ZNF790: variants seen among roughly 807,000 people sequenced by gnomAD.
ZNF790 encodes zinc finger protein 790.
In ZNF790, 8 loss-of-function variants were observed where a neutral mutation model predicts 12.1. That is an observed-to-expected ratio of 0.66 (90% CI 0.39 to 1.19). ZNF790 has a LOEUF of 1.19. Among genes scored for constraint, ZNF790 ranks in the 50% most tolerant of loss-of-function variants. The pLI, the probability that ZNF790 is intolerant of heterozygous loss-of-function variation, is 0.01. For synonymous variants in ZNF790, 252 were observed against 244.3 expected, an observed-to-expected ratio of 1.03 and a Z score of -0.29; for missense variants, 707 against 752.2, an observed-to-expected ratio of 0.94 and a Z score of 0.70.
At chr19:36,839,721 G>C (rs1300787908), upstream of ZNF790, among the ~76,000 whole-genome samples, 1 of 152,166 alleles carries the variant, frequency 6.6e-6, no homozygotes, top group African/African-American at 2.4e-5. Context: ...CCCAGCTCCA[G>C]CTCCAGCTGA....
intron 1 of ZNF790, among the ~76,000 whole-genome samples, chr19:36,834,520 C>T (rs973201955): frequency 2.0e-5 from 3 of 152,202 alleles, no homozygotes; most frequent in Non-Finnish European, 4.4e-5. Flanking sequence ...AATACCACTA[C>T]ATATCCACCA....
chr19:36,819,316 C>A lies in ZNF790; in HGVS notation c.1028G>T (p.Cys343Phe), dbSNP rs1390491348. Residue 343 changes from cysteine to phenylalanine, a missense_variant, in exon 5 of 5, where the codon TGT becomes TTT. Physicochemically the swap from Cys to Phe is radical, Grantham distance 205. Transcript: ENST00000356725. ...TGEKPYECKE[C>F]GKAFTRGSHL... The stretch of plus-strand genomic sequence containing the variant: ...TGATCCACGAGTAAAAGCTTTCCCA[C>A]ACTCCTTACATTCATAAGGTTTTTC... 1 of 1,610,676 alleles carries A rather than the reference C, an allele frequency of 6.2e-7. No homozygotes were observed. Among genetic ancestry groups the A allele is most frequent in the Non-Finnish European group, 8.5e-7 (1 of 1,178,110 alleles).
At chr19:36,825,720 C>G (rs564576735) in intron 1 of ZNF790, 28 bp from the exon 2 acceptor site, 15 of 1,325,948 alleles carry the variant, frequency 1.1e-5, no homozygotes, top group Middle Eastern at 1.8e-4. Context: ...CAAGGTCAGG[C>G]CTTTCTCAGA....
intron 1 of ZNF790, chr19:36,837,791 T>A (rs1009202137): frequency 6.6e-6 from 1 of 152,256 alleles, no homozygotes; most frequent in African/African-American, 2.4e-5. Flanking sequence ...TTCTCTGCTC[T>A]AATTTACGGA....
At chr19:36,822,666 G>A (rs564031888) in intron 4 of ZNF790, among the ~76,000 whole-genome samples, 3 of 152,090 alleles carry the variant, frequency 2.0e-5, no homozygotes, top group East Asian at 1.9e-4. Context: ...TCAGCCTCCC[G>A]AGTAGCTGGG....
chr19:36,823,183 G>T (rs2071714766), intron 4 of ZNF790, 102 bp downstream of exon 4: 2 of 1,065,202 alleles, frequency 1.9e-6, no homozygotes, highest in Non-Finnish European at 2.8e-6. Context: ...GGTCTTAAGG[G>T]GATATTCCAG....
chr19:36,820,130 G>GT lies in ZNF790; in HGVS notation c.230-17dup. ...GACTGCATGTCTGAAAAATAAGAAG[G>GT]TAAAAACATCATACGGTTGTATGTA... On this transcript the variant is annotated splice_polypyrimidine_tract_variant and intron_variant, in intron 4 of 4. Coordinates refer to ENST00000356725, the MANE Select transcript of ZNF790 (RefSeq NM_206894.4). 8 of 1,591,514 alleles carry GT rather than the reference G, an allele frequency of 5.0e-6. No individual in the cohort carries two copies. The highest frequency in any genetic ancestry group is 6.8e-6 in the Non-Finnish European group (8 of 1,174,664).
At chr19:36,845,047 C>CAAAAAAAA (rs10611049) in intron 1 of ZNF790, among the ~76,000 whole-genome samples, 6 of 34,894 alleles carry the variant, frequency 1.7e-4, no homozygotes, top group Non-Finnish European at 2.1e-4. Context: ...GACTCCGTCT[C>CAAAAAAAA]AAAAAAAAAA....
intron 4 of ZNF790, among the ~76,000 whole-genome samples, chr19:36,821,054 C>G (rs2071660550): frequency 7.4e-6 from 1 of 134,842 alleles, no homozygotes; most frequent in Non-Finnish European, 1.6e-5. Context: ...CCCCCTCCCC[C>G]CACTGACCCT....
intron 4 of ZNF790, among the ~76,000 whole-genome samples, chr19:36,822,046 T>G (rs553018565): frequency 6.6e-6 from 1 of 152,182 alleles, no homozygotes; most frequent in Non-Finnish European, 1.5e-5. Context: ...GTTCCCTGTA[T>G]GCAGAAATGT....
intron 2 of ZNF790, 91 bp downstream of exon 2, chr19:36,825,520 C>G (rs1395143506): frequency 3.1e-6 from 4 of 1,278,010 alleles, no homozygotes; most frequent in Non-Finnish European, 3.4e-6. Flanking sequence ...AATAGTGATT[C>G]AGGTAAGCAG....
chr19:36,835,056 G>A (rs1158590738), intron 1 of ZNF790, among the ~76,000 whole-genome samples: 1 of 152,224 alleles, frequency 6.6e-6, no homozygotes, highest in Non-Finnish European at 1.5e-5. Context: ...GGGAGGCCAA[G>A]GTGGGCAGAT....
rs969956634 is a variant in ZNF790, at chr19:36,838,297, C to T, written c.-74+40G>A. On this transcript the variant is annotated intron_variant, in intron 1 of 4. Transcript: ENST00000356725. This position sits in a 1 kb window ranked among gnomAD's most constrained non-coding sequence, Gnocchi z 4.4. Reference sequence around the variant, plus strand: ...CTCCCCTCAGCCCCGGCCTCGGGCCCTCCGGAGTCATTCGGCTTCTGTGTC... The same window carrying T: ...CTCCCCTCAGCCCCGGCCTCGGGCCTTCCGGAGTCATTCGGCTTCTGTGTC... 1 of 152,382 alleles carries T rather than the reference C, an allele frequency of 6.6e-6. No individual in the cohort carries two copies. Among genetic ancestry groups the T allele is most frequent in the Non-Finnish European group, 1.5e-5 (1 of 68,148 alleles). The allele number at this position is 152,382 out of a possible 1,614,324, so 9.4% of individuals were successfully genotyped here. A position where few individuals can be genotyped will look rare whatever the true frequency, so the allele number is the denominator to read the frequency against.
chr19:36,831,623 TGAACA>T (rs1172116942), intron 1 of ZNF790, among the ~76,000 whole-genome samples: 2 of 151,942 alleles, frequency 1.3e-5, no homozygotes, highest in Non-Finnish European at 2.9e-5. Flanking sequence ...CAGAAATTAA[TGAACA>T]GAACAAAATT....
Position 36,825,503 on chromosome 19 carries a change from G to A in ZNF790, c.9+108C>T, listed in dbSNP as rs534580588. ...GGACTGTTTCACAGTCATTACTTATGACACTCAATAGTGATTCAGGTAAGC... is the reference window on the plus strand; with the variant it reads ...GGACTGTTTCACAGTCATTACTTATAACACTCAATAGTGATTCAGGTAAGC... On this transcript the variant is annotated intron_variant, in intron 2 of 4. Coordinates refer to ENST00000356725, the MANE Select transcript of ZNF790 (RefSeq NM_206894.4). The A allele has an allele frequency of 2.6e-6, 3 of 1,154,332 alleles. No individual in the cohort carries two copies. The East Asian group carries it at 7.0e-5, about 27-fold the overall frequency. 71.5% of individuals were successfully genotyped at this position (1,154,332 alleles called of 1,614,324 possible).
At chr19:36,835,222 G>A (rs528857688) in intron 1 of ZNF790, among the ~76,000 whole-genome samples, 4 of 152,130 alleles carry the variant, frequency 2.6e-5, no homozygotes, top group Admixed American at 1.3e-4. Context: ...CAGAAGTTGC[G>A]GTAAGCCGAG....
intron 1 of ZNF790, among the ~76,000 whole-genome samples, chr19:36,826,771 G>A (rs1332585816): frequency 6.6e-6 from 1 of 150,812 alleles, no homozygotes; most frequent in Non-Finnish European, 1.5e-5. Flanking sequence ...CAATACTGTA[G>A]GAAATAAAGG....
At position 36,847,518 on chromosome 19, in the gene ZNF790, G is replaced by A. The variant is rs570521753; in HGVS notation, c.-74+2484C>T. Among the ~76,000 whole-genome samples the A allele has an allele frequency of 2.6e-5, 4 of 151,516 alleles. No homozygotes were observed. In the South Asian group the frequency reaches 8.4e-4, roughly 32 times the overall value. On this transcript the variant is annotated intron_variant, in intron 1 of 4. Coordinates refer to the ZNF790 transcript ENST00000528994. ...TAATCCCAGCACTTTGGGAGGCCGA[G>A]GCGGGTGGATCACCTGAGGTCAGGA...
chr19:36,834,116 G>A (rs1208664437), intron 1 of ZNF790, among the ~76,000 whole-genome samples: 1 of 151,878 alleles, frequency 6.6e-6, no homozygotes, highest in South Asian at 2.1e-4. Flanking sequence ...GGTGGCGCAT[G>A]CCTGTAATCC....
Sources: allele counts gnomAD v4.1 joint callset (sites outside exome capture counted in the v4.1 genomes callset), GRCh38; gene constraint gnomAD v4.1.1; non-coding constraint Gnocchi (gnomAD v3.1); transcripts MANE v1.5; gene names NCBI Gene and HGNC (gene_info 2026-07-23, HGNC 2026-07-21).